The following ARHGAP24 variants were observed in gnomAD, a reference collection of about 807,000 sequenced individuals.
ARHGAP24 encodes Rho GTPase activating protein 24, also known as rho GTPase-activating protein 24.
A neutral mutation model predicts 76.4 loss-of-function variants in ARHGAP24; 50 were observed. That is an observed-to-expected ratio of 0.65 (90% CI 0.52 to 0.83). The LOEUF (loss-of-function observed/expected upper bound fraction) is 0.83. ARHGAP24 is among the 40% of genes least tolerant of loss of function. The pLI, the probability that ARHGAP24 is intolerant of heterozygous loss-of-function variation, is 0.00. For missense variants in ARHGAP24, 930 were observed against 914.2 expected (o/e 1.02, Z -0.22); for synonymous variants, 345 against 323.3 (o/e 1.07, Z -0.72).
chr4:85,733,137 C>T (rs1725480594), intron 3 of ARHGAP24, among the ~76,000 whole-genome samples: 1 of 135,540 alleles, frequency 7.4e-6, no homozygotes, highest in Admixed American at 8.6e-5. Flanking sequence ...GATCTCAGCT[C>T]ATTGCAAGCT....
chr4:85,529,696 A>C (rs551704444), intron 1 of ARHGAP24, among the ~76,000 whole-genome samples: 1 of 152,004 alleles, frequency 6.6e-6, no homozygotes, highest in Non-Finnish European at 1.5e-5. Context: ...GATATTGCCA[A>C]ATGTCCTCTG....
chr4:85,543,774 T>C (rs1725800515), intron 1 of ARHGAP24, among the ~76,000 whole-genome samples: 1 of 152,222 alleles, frequency 6.6e-6, no homozygotes, highest in Admixed American at 6.5e-5. Flanking sequence ...AGAATTTTTT[T>C]CCTATAATCC....
Position 86,000,374 on chromosome 4 carries a change from G to A in ARHGAP24, c.2004-105G>A, listed in dbSNP as rs112711516. The A allele has an allele frequency of 2.8e-3, 2,476 of 894,622 alleles. 64 individuals carry two copies. The African/African-American group carries it at 0.035, about 13-fold the overall frequency. The allele number at this position is 894,622 out of a possible 1,614,324, so 55.4% of individuals were successfully genotyped here. On this transcript the variant is annotated intron_variant, in intron 9 of 9. Coordinates refer to ENST00000395184, the MANE Select transcript of ARHGAP24 (RefSeq NM_001025616.3). ...ATTCCAATTTCCTAAGCATCATAAA[G>A]AGTTTAGAAAATATTTGTATGTCTC...
chr4:85,940,906 G>T (rs796543620), intron 4 of ARHGAP24, among the ~76,000 whole-genome samples: 8 of 152,178 alleles, frequency 5.3e-5, no homozygotes, highest in African/African-American at 1.9e-4. Flanking sequence ...GAAATGTGAC[G>T]GTTTTGCACT....
intron 3 of ARHGAP24, among the ~76,000 whole-genome samples, chr4:85,826,359 G>A (rs141381637): frequency 2.0e-5 from 3 of 152,234 alleles, no homozygotes; most frequent in East Asian, 3.9e-4. Context: ...AACCATGCAC[G>A]TGAGCATTTT....
At chr4:85,734,699 T>C (rs1725541918) in intron 3 of ARHGAP24, among the ~76,000 whole-genome samples, 1 of 149,378 alleles carries the variant, frequency 6.7e-6, no homozygotes, top group South Asian at 2.2e-4. Context: ...TCATTATTTC[T>C]GATGTGTCAC....
chr4:85,577,162 A>G (rs1214859717), intron 2 of ARHGAP24, among the ~76,000 whole-genome samples: 2 of 150,362 alleles, frequency 1.3e-5, no homozygotes, highest in African/African-American at 4.9e-5. Flanking sequence ...TAGATTTCTA[A>G]TGTACCTACA....
chr4:85,958,270 A>G (rs1225478501), intron 5 of ARHGAP24, among the ~76,000 whole-genome samples: 2 of 152,230 alleles, frequency 1.3e-5, no homozygotes, highest in African/African-American at 4.8e-5. Context: ...TCACTTAAAA[A>G]TAAGACAAAA....
intron 3 of ARHGAP24, among the ~76,000 whole-genome samples, chr4:85,766,009 A>G (rs1176043710): frequency 3.9e-5 from 6 of 152,140 alleles, no homozygotes; most frequent in African/African-American, 1.4e-4. Flanking sequence ...ACAAATTTTG[A>G]AACTGTTTAT....
At chr4:85,706,529 A>AAC (rs1009940137) in intron 2 of ARHGAP24, among the ~76,000 whole-genome samples, 3 of 151,930 alleles carry the variant, frequency 2.0e-5, no homozygotes, top group Non-Finnish European at 2.9e-5. Flanking sequence ...ATTTCCCTGA[A>AAC]ACACGTGCTT....
At chr4:85,949,391 G>A (rs951803647) in intron 5 of ARHGAP24, among the ~76,000 whole-genome samples, 7 of 152,232 alleles carry the variant, frequency 4.6e-5, no homozygotes, top group South Asian at 4.1e-4. Flanking sequence ...GGCAATGCTC[G>A]GCAGAAAAGC....
intron 1 of ARHGAP24, among the ~76,000 whole-genome samples, chr4:85,516,594 T>C (rs986463898): frequency 2.7e-5 from 4 of 149,680 alleles, no homozygotes; most frequent in African/African-American, 9.9e-5. Flanking sequence ...ATGTATTTTT[T>C]TAAAACTTTG....
At chr4:85,920,852 T>G (rs932813503) in intron 3 of ARHGAP24, among the ~76,000 whole-genome samples, 3 of 152,072 alleles carry the variant, frequency 2.0e-5, no homozygotes, top group Non-Finnish European at 2.9e-5. Flanking sequence ...GAATGGCTAT[T>G]ATTAAAAAGT....
At chr4:85,621,708 G>T (rs542230030) in intron 2 of ARHGAP24, among the ~76,000 whole-genome samples, 1 of 152,000 alleles carries the variant, frequency 6.6e-6, no homozygotes, top group Non-Finnish European at 1.5e-5. Flanking sequence ...CTCCCATTCT[G>T]TAGGTTATCT....
chr4:85,855,440 C>T (rs1172303899), intron 3 of ARHGAP24, among the ~76,000 whole-genome samples: 1 of 152,152 alleles, frequency 6.6e-6, no homozygotes, highest in East Asian at 1.9e-4. Context: ...GGTGTGGTGG[C>T]TCACGCCTGT....
intron 3 of ARHGAP24, among the ~76,000 whole-genome samples, chr4:85,787,569 A>G (rs1727909789): frequency 6.6e-6 from 1 of 152,260 alleles, no homozygotes. Context: ...TTGAGTTTCA[A>G]AAAAATCTAA....
At chr4:85,842,302 G>A (rs1057013091) in intron 3 of ARHGAP24, among the ~76,000 whole-genome samples, 4 of 152,108 alleles carry the variant, frequency 2.6e-5, no homozygotes, top group Admixed American at 2.6e-4. Flanking sequence ...GCAGGCATAG[G>A]AGTCAAAACA....
intron 1 of ARHGAP24, among the ~76,000 whole-genome samples, chr4:85,489,475 T>A (rs895326176): frequency 1.3e-5 from 2 of 152,160 alleles, no homozygotes; most frequent in African/African-American, 4.8e-5. Context: ...ACTTGATGAC[T>A]CAGAGGGACT....
At chr4:85,893,559 G>GCATGGA in intron 3 of ARHGAP24, among the ~76,000 whole-genome samples, 1 of 90,790 alleles carries the variant, frequency 1.1e-5, no homozygotes, top group African/African-American at 4.5e-5. Flanking sequence ...AGGCCTGGTG[G>GCATGGA]TGACAAAATC....
Sources: gnomAD v4.1 joint callset for allele counts (sites outside exome capture counted in the v4.1 genomes callset) on GRCh38, gnomAD v4.1.1 for gene constraint, MANE v1.5 for transcripts, NCBI Gene and HGNC (gene_info 2026-07-23, HGNC 2026-07-21) for gene names.